The following PRKG1 variants were observed in gnomAD, a reference collection of about 807,000 sequenced individuals.
PRKG1 encodes the protein cGMP-dependent protein kinase 1.
In PRKG1, 35 loss-of-function variants were observed where a neutral mutation model predicts 88.1. The observed-to-expected ratio is 0.40, with a 90% CI of 0.30 to 0.53. PRKG1 has a LOEUF of 0.53. PRKG1 is among the 20% of genes least tolerant of loss of function. The pLI is 0.59. For synonymous variants in PRKG1, 303 were observed against 292.5 expected (o/e 1.04, Z -0.37); for missense variants, 540 against 839.8 (o/e 0.64, Z 4.41).
intron 9 of PRKG1, among the ~76,000 whole-genome samples, chr10:52,166,793 A>ATATATATATATG (rs1489545159): frequency 4.8e-4 from 4 of 8,384 alleles, no homozygotes; most frequent in Non-Finnish European, 1.5e-3. Context: ...AAGCCTATAT[A>ATATATATATATG]TATACATATA....
chr10:51,701,611 A>G (rs1841468865), intron 3 of PRKG1, among the ~76,000 whole-genome samples: 1 of 152,212 alleles, frequency 6.6e-6, no homozygotes, highest in South Asian at 2.1e-4. Flanking sequence ...AAAAAAACTA[A>G]AGACAAATCT....
chr10:52,059,951 A>C (rs1846198347), intron 6 of PRKG1, among the ~76,000 whole-genome samples: 1 of 151,962 alleles, frequency 6.6e-6, no homozygotes, highest in Admixed American at 6.6e-5. Context: ...TTAAAATAGT[A>C]TAATGAAGAG....
At chr10:51,297,088 C>A (rs1165401763) in intron 2 of PRKG1, among the ~76,000 whole-genome samples, 2 of 152,004 alleles carry the variant, frequency 1.3e-5, no homozygotes, top group Admixed American at 6.6e-5. Context: ...TGGAGAAAAG[C>A]CACAGTTCAT....
intron 3 of PRKG1, among the ~76,000 whole-genome samples, chr10:51,724,575 G>A (rs961909864): frequency 2.0e-5 from 3 of 152,084 alleles, no homozygotes; most frequent in African/African-American, 7.2e-5. Flanking sequence ...TTTAAATTGA[G>A]ATGGGGTCTC....
At chr10:52,227,362 AC>A (rs1164060217) in intron 9 of PRKG1, among the ~76,000 whole-genome samples, 1 of 152,142 alleles carries the variant, frequency 6.6e-6, no homozygotes, top group African/African-American at 2.4e-5. Context: ...GATTCAACCA[AC>A]CACAAATAAA....
intron 3 of PRKG1, chr10:51,698,313 T>A: frequency 6.2e-7 from 1 of 1,613,840 alleles, no homozygotes; most frequent in Non-Finnish European, 8.5e-7. Flanking sequence ...CGAGAATCTC[T>A]ACCACCTCTA....
At chr10:51,792,520 G>A (rs1365780961) in intron 3 of PRKG1, among the ~76,000 whole-genome samples, 5 of 152,216 alleles carry the variant, frequency 3.3e-5, no homozygotes, top group Non-Finnish European at 4.4e-5. Context: ...CTTAACAAAT[G>A]TAAGAATATA....
chr10:52,276,654 C>A (rs1181527874), intron 12 of PRKG1, among the ~76,000 whole-genome samples: 1 of 152,168 alleles, frequency 6.6e-6, no homozygotes, highest in Non-Finnish European at 1.5e-5. Flanking sequence ...AATGACACAG[C>A]TGTCAAGGCA....
intron 1 of PRKG1, among the ~76,000 whole-genome samples, chr10:51,030,620 GC>G (rs951734801): frequency 2.6e-5 from 4 of 152,290 alleles, no homozygotes; most frequent in African/African-American, 9.6e-5. Context: ...TGGAGGTGGG[GC>G]TTAGTGGGAG....
At chr10:51,461,757 G>C (rs555263188) in intron 2 of PRKG1, among the ~76,000 whole-genome samples, 5 of 152,164 alleles carry the variant, frequency 3.3e-5, no homozygotes, top group Non-Finnish European at 7.4e-5. Flanking sequence ...GCTTAAGAAA[G>C]ACATATATAA....
intron 3 of PRKG1, among the ~76,000 whole-genome samples, chr10:51,591,266 T>C (rs1315261755): frequency 3.3e-5 from 5 of 152,220 alleles, no homozygotes; most frequent in Admixed American, 3.3e-4. Flanking sequence ...ACGAACTCTA[T>C]AATCCTTTGT....
intron 8 of PRKG1, among the ~76,000 whole-genome samples, chr10:52,134,839 C>T (rs1053850083): frequency 1.3e-5 from 2 of 152,110 alleles, no homozygotes; most frequent in African/African-American, 2.4e-5. Context: ...TTGAGAGGCC[C>T]TTCTATGCTG....
chr10:51,074,940 G>C (rs1333078415), intron 1 of PRKG1, 39 bp downstream of exon 1: 1 of 1,541,796 alleles, frequency 6.5e-7, no homozygotes, highest in Non-Finnish European at 8.8e-7. Context: ...GTGGCGCCCT[G>C]GCGATGGGGA....
chr10:51,209,172 T>C (rs1184093418), intron 2 of PRKG1, among the ~76,000 whole-genome samples: 1 of 151,756 alleles, frequency 6.6e-6, no homozygotes, highest in Non-Finnish European at 1.5e-5. Context: ...TGTTGGCAAA[T>C]GGACAAAAGC....
intron 2 of PRKG1, among the ~76,000 whole-genome samples, chr10:51,316,662 A>G (rs1841328222): frequency 6.7e-6 from 1 of 149,848 alleles, no homozygotes; most frequent in South Asian, 2.2e-4. Flanking sequence ...AGCCTGGGCG[A>G]CAAGAGCAAG....
intron 1 of PRKG1, among the ~76,000 whole-genome samples, chr10:51,089,878 A>T (rs1022460419): frequency 7.2e-5 from 11 of 152,204 alleles, no homozygotes; most frequent in African/African-American, 2.7e-4. Context: ...AGGTCATCAC[A>T]CTTAGCTCAA....
At chr10:51,715,279 T>C (rs568230867) in intron 3 of PRKG1, among the ~76,000 whole-genome samples, 1 of 152,356 alleles carries the variant, frequency 6.6e-6, no homozygotes, top group South Asian at 2.1e-4. Context: ...TCAAGCTTCA[T>C]ATATAAACAA....
intron 7 of PRKG1, among the ~76,000 whole-genome samples, chr10:52,080,448 T>C (rs995910375): frequency 6.6e-6 from 1 of 152,074 alleles, no homozygotes; most frequent in Non-Finnish European, 1.5e-5. Context: ...CATTTTTCAA[T>C]GCAAAAAAAA....
intron 3 of PRKG1, among the ~76,000 whole-genome samples, chr10:51,795,865 C>T (rs989011849): frequency 2.0e-5 from 3 of 152,064 alleles, no homozygotes; most frequent in South Asian, 4.1e-4. Context: ...AAGTATGGAT[C>T]AGCAAACATT....
Sources: gnomAD v4.1 joint callset for allele counts (sites outside exome capture counted in the v4.1 genomes callset) on GRCh38, gnomAD v4.1.1 for gene constraint, MANE v1.5 for transcripts, NCBI Gene and HGNC (gene_info 2026-07-23, HGNC 2026-07-21) for gene names.